The following METTL15 variants were observed in gnomAD, a reference collection of about 807,000 sequenced individuals.
METTL15 encodes 12S rRNA N(4)-cytidine methyltransferase METTL15.
METTL15 carries 34 observed loss-of-function variants against 38.3 expected under a neutral mutation model. The ratio of observed to expected loss-of-function variants is 0.89; its 90% CI spans 0.68 to 1.18. The LOEUF (loss-of-function observed/expected upper bound fraction) is 1.18, where lower values mean the gene tolerates loss of function less well. METTL15 is among the 50% of genes most tolerant of loss of function. The pLI is 0.00. For synonymous variants in METTL15, 162 were observed against 170.9 expected, an observed-to-expected ratio of 0.95 and a Z score of 0.41; for missense variants, 438 against 498.4, an observed-to-expected ratio of 0.88 and a Z score of 1.15.
chr11:28,344,847 G>T (rs528059451), intron 3 of METTL15, among the ~76,000 whole-genome samples: 15 of 152,158 alleles, frequency 9.9e-5, no homozygotes, highest in Non-Finnish European at 2.1e-4. Flanking sequence ...TAGCCACATT[G>T]TAATTATACA....
At chr11:28,350,084 A>G (rs1197089346) in intron 3 of METTL15, among the ~76,000 whole-genome samples, 1 of 152,124 alleles carries the variant, frequency 6.6e-6, no homozygotes, top group Non-Finnish European at 1.5e-5. Flanking sequence ...TACTCTTTCC[A>G]TATATACTTT....
At chr11:28,471,773 A>G (rs966754082) in intron 6 of METTL15, among the ~76,000 whole-genome samples, 6 of 152,054 alleles carry the variant, frequency 3.9e-5, no homozygotes, top group Admixed American at 3.3e-4. Flanking sequence ...AAAAGTTTCC[A>G]GCTGGTAGAT....
At chr11:28,467,437 T>C (rs1033849945) in intron 6 of METTL15, among the ~76,000 whole-genome samples, 11 of 152,222 alleles carry the variant, frequency 7.2e-5, no homozygotes, top group Non-Finnish European at 5.9e-5. Context: ...AACTGCCTCC[T>C]ACTCCACTCT....
At chr11:28,320,935 C>T (rs1221341738) in intron 6 of METTL15, among the ~76,000 whole-genome samples, 2 of 152,002 alleles carry the variant, frequency 1.3e-5, no homozygotes, top group Admixed American at 6.6e-5. Context: ...TTAATTTATA[C>T]ATTAGGAAAA....
At chr11:28,297,028 C>T (rs1590284203) in intron 6 of METTL15, 97 bp downstream of exon 6, 3 of 1,248,272 alleles carry the variant, frequency 2.4e-6, no homozygotes, top group East Asian at 2.4e-5. Context: ...TGTGTGTGTG[C>T]ATTAATCCCC....
At chr11:28,418,120 T>A (rs1850788999) in intron 5 of METTL15, among the ~76,000 whole-genome samples, 1 of 152,144 alleles carries the variant, frequency 6.6e-6, no homozygotes, top group South Asian at 2.1e-4. Context: ...CTGCCAGCTG[T>A]CAGTCTTTGA....
chr11:28,455,735 C>G (rs1851162819), intron 6 of METTL15, among the ~76,000 whole-genome samples: 1 of 152,124 alleles, frequency 6.6e-6, no homozygotes, highest in Non-Finnish European at 1.5e-5. Context: ...GAGACGGAGT[C>G]TCGCTCTGTC....
intron 4 of METTL15, among the ~76,000 whole-genome samples, chr11:28,274,274 A>G (rs894645725): frequency 3.3e-5 from 5 of 152,058 alleles, no homozygotes; most frequent in Admixed American, 1.3e-4. Context: ...CTTTTTTCAG[A>G]GATGTAAAAG....
intron 3 of METTL15, among the ~76,000 whole-genome samples, chr11:28,197,843 TTTTAA>T (rs1851966816): frequency 6.6e-6 from 1 of 152,078 alleles, no homozygotes; most frequent in African/African-American, 2.4e-5. Flanking sequence ...CCATCATTTA[TTTTAA>T]TTTAATTATT....
chr11:28,372,245 G>C (rs1282953883), intron 5 of METTL15, among the ~76,000 whole-genome samples: 1 of 151,848 alleles, frequency 6.6e-6, no homozygotes, highest in Non-Finnish European at 1.5e-5. Flanking sequence ...TATGGTTTTT[G>C]TTCCTGGTTA....
At chr11:28,306,622 G>A (rs1008437547) in intron 6 of METTL15, among the ~76,000 whole-genome samples, 2 of 152,006 alleles carry the variant, frequency 1.3e-5, no homozygotes, top group African/African-American at 4.8e-5. Flanking sequence ...CCTTAAAGTA[G>A]TAGTGTCACA....
chr11:28,344,422 G>A (rs1849980235), intron 3 of METTL15, among the ~76,000 whole-genome samples: 1 of 152,112 alleles, frequency 6.6e-6, no homozygotes, highest in Non-Finnish European at 1.5e-5. Flanking sequence ...AATGAAAACA[G>A]CACATGCACA....
chr11:28,204,885 C>G (rs1211426287), intron 3 of METTL15, among the ~76,000 whole-genome samples: 4 of 151,862 alleles, frequency 2.6e-5, no homozygotes, highest in Admixed American at 1.3e-4. Flanking sequence ...CCAGAATAAA[C>G]TTAGTATTAA....
At chr11:28,173,088 A>T (rs930264573) in intron 3 of METTL15, among the ~76,000 whole-genome samples, 29 of 152,182 alleles carry the variant, frequency 1.9e-4, no homozygotes, top group Non-Finnish European at 8.8e-5. Flanking sequence ...TTTATTTTTT[A>T]AAAAAAGAGA....
At chr11:28,257,655 A>C (rs985410388) in intron 4 of METTL15, among the ~76,000 whole-genome samples, 3 of 151,914 alleles carry the variant, frequency 2.0e-5, no homozygotes, top group Non-Finnish European at 1.5e-5. Flanking sequence ...CTTCTGCTTG[A>C]TCCATTCTGC....
At chr11:28,456,876 A>T (rs1046816347) in intron 6 of METTL15, among the ~76,000 whole-genome samples, 1 of 152,204 alleles carries the variant, frequency 6.6e-6, no homozygotes, top group Admixed American at 6.5e-5. Flanking sequence ...AAGCCTCCAG[A>T]TGATTCTAAC....
chr11:28,339,572 A>G (rs1252912249), intron 3 of METTL15, among the ~76,000 whole-genome samples: 1 of 151,928 alleles, frequency 6.6e-6, no homozygotes, highest in Non-Finnish European at 1.5e-5. Context: ...AAAAGTTAAA[A>G]TGAGAAGTCT....
Position 28,525,437 on chromosome 11 carries a change from A to G in METTL15, c.*425-1041A>G, listed in dbSNP as rs138532620. Among the ~76,000 whole-genome samples, 1,190 of 152,282 alleles carry G rather than the reference A, an allele frequency of 7.8e-3. 16 individuals are homozygous for G. The highest frequency in any genetic ancestry group is 0.037 in the Middle Eastern group (11 of 294). On this transcript the variant is annotated intron_variant and NMD_transcript_variant, in intron 6 of 7. Coordinates refer to the METTL15 transcript ENST00000532947. ...GATGTATTTACAAACCCTGAGCTAG[A>G]CACAGAGTGCTGATTGGTGCATTTA...
At chr11:28,370,861 G>A (rs1850236757) in intron 5 of METTL15, among the ~76,000 whole-genome samples, 1 of 151,994 alleles carries the variant, frequency 6.6e-6, no homozygotes, top group African/African-American at 2.4e-5. Context: ...TTTGAAAAAT[G>A]TCTATTGAAT....
Sources: gnomAD v4.1 joint callset for allele counts (sites outside exome capture counted in the v4.1 genomes callset) on GRCh38, gnomAD v4.1.1 for gene constraint, MANE v1.5 for transcripts, NCBI Gene and HGNC (gene_info 2026-07-23, HGNC 2026-07-21) for gene names.